Variants in IP6K1 observed in about 807,000 individuals in gnomAD.
The protein encoded by IP6K1 is inositol hexakisphosphate kinase 1.
IP6K1 carries 13 observed loss-of-function variants against 38.3 expected under a neutral mutation model. The observed-to-expected ratio is 0.34, with a 90% CI of 0.22 to 0.54. IP6K1 has a LOEUF of 0.54. Ranked by LOEUF, IP6K1 falls within the 20% of genes least tolerant of loss-of-function variation. The pLI is 0.92. For synonymous variants in IP6K1, 212 were observed against 229.9 expected, an observed-to-expected ratio of 0.92 and a Z score of 0.70; for missense variants, 397 against 599.8, an observed-to-expected ratio of 0.66 and a Z score of 3.53.
At chr3:49,752,524 C>CGT (rs1559708863) in intron 1 of IP6K1, among the ~76,000 whole-genome samples, 1 of 147,908 alleles carries the variant, frequency 6.8e-6, no homozygotes, top group African/African-American at 2.6e-5. Context: ...TTCACTTTTG[C>CGT]ATGTGTGTGT....
chr3:49,732,187 C>T (rs1191000261), intron 4 of IP6K1, among the ~76,000 whole-genome samples: 1 of 152,144 alleles, frequency 6.6e-6, no homozygotes, highest in African/African-American at 2.4e-5. Context: ...GCCTCAGCCT[C>T]CCAAAGTGCT....
chr3:49,754,136 G>C (rs1271317040), intron 1 of IP6K1, among the ~76,000 whole-genome samples: 4 of 152,150 alleles, frequency 2.6e-5, no homozygotes, highest in Admixed American at 6.5e-5. Flanking sequence ...GGTGGCCAAG[G>C]CTGGAGGATC....
intron 1 of IP6K1, chr3:49,786,138 C>T (rs1236793958): frequency 1.3e-5 from 2 of 152,332 alleles, no homozygotes; most frequent in South Asian, 2.1e-4. Flanking sequence ...AACCCTCAGG[C>T]ACTGGCGCTC....
chr3:49,740,992 G>A (rs2080663405), intron 2 of IP6K1, among the ~76,000 whole-genome samples: 1 of 152,036 alleles, frequency 6.6e-6, no homozygotes. Context: ...GGGATTACAG[G>A]TGCCTGCCAC....
chr3:49,774,225 T>C (rs994691137), intron 1 of IP6K1, among the ~76,000 whole-genome samples: 3 of 151,506 alleles, frequency 2.0e-5, no homozygotes, highest in East Asian at 3.9e-4. Flanking sequence ...GCTAACATGG[T>C]GAAACCCCAT....
rs2080515694 is a variant in IP6K1, at chr3:49,727,290, A to T, written c.1158T>A (p.Gly386=). 1.4e-5 allele frequency: 23 copies of T among 1,613,940 alleles called. No homozygotes were observed. The highest frequency in any genetic ancestry group is 1.9e-5 in the Non-Finnish European group (23 of 1,179,958). The change falls in exon 6 of 6, where the codon GGT becomes GGA. Residue 386 remains glycine, a synonymous_variant. Coordinates refer to ENST00000321599, the MANE Select transcript of IP6K1 (RefSeq NM_153273.4). The surrounding 1 kb of genome is among the most constrained non-coding windows in gnomAD (Gnocchi z 5.9). ...TSPSNTSPEA[G]PSSQPKVDVR... is the part of the protein sequence containing the mutation. The stretch of plus-strand genomic sequence containing the variant: ...CATCCACCTTGGGCTGAGAGGAGGG[A>T]CCCGCCTCGGGGCTGGTGTTGCTGG...
chr3:49,739,154 A>C (rs912211126), intron 2 of IP6K1, among the ~76,000 whole-genome samples: 35 of 152,234 alleles, frequency 2.3e-4, no homozygotes, highest in African/African-American at 8.4e-4. Context: ...GAAGGGAAAA[A>C]AAAGTAACTT....
intron 1 of IP6K1, among the ~76,000 whole-genome samples, chr3:49,778,505 T>C (rs1187945332): frequency 2.0e-5 from 3 of 150,810 alleles, no homozygotes; most frequent in Middle Eastern, 3.2e-3. Context: ...TGGTGGTAGG[T>C]GCCTGTAATC....
chr3:49,726,826 A>G lies in IP6K1; in HGVS notation c.*296T>C. 1 of 449,160 alleles carries G rather than the reference A, an allele frequency of 2.2e-6. No homozygotes were observed. The highest frequency in any genetic ancestry group is 3.9e-6 in the Non-Finnish European group (1 of 256,282). 27.8% of individuals were successfully genotyped at this position (449,160 alleles called of 1,614,324 possible). On this transcript the variant is annotated 3_prime_UTR_variant, in exon 6 of 6. Transcript: ENST00000321599. ...TCTAGACAAGAGAAACCAATGTCCA[A>G]GGGCACCCTGTCCCTGCTGCCAAGC... is the stretch of plus-strand genomic sequence containing the variant.
chr3:49,727,133 C>T lies in IP6K1; in HGVS notation c.1315G>A (p.Glu439Lys), dbSNP rs1310255856. Residue 439 changes from glutamate (E) to lysine (K), a missense_variant, in exon 6 of 6, where the codon GAG becomes AAG. Physicochemically the swap from Glu to Lys is moderately conservative, Grantham distance 56. Transcript: ENST00000321599. The surrounding 1 kb of genome is among the most constrained non-coding windows in gnomAD (Gnocchi z 5.9). Reference protein sequence around the residue: ...LISIMEQMRDENQ With the variant: ...LISIMEQMRDKNQ ...GCCCAGAACAGGGCCTACTGGTTCT[C>T]GTCCCGCATCTGTTCCATGATGCTG... The T allele has an allele frequency of 2.5e-6, 4 of 1,603,332 alleles. No individual in the cohort carries two copies. The highest frequency in any genetic ancestry group is 2.2e-5 in the East Asian group (1 of 44,740).
chr3:49,768,627 G>A (rs897418647), intron 1 of IP6K1, among the ~76,000 whole-genome samples: 4 of 152,034 alleles, frequency 2.6e-5, no homozygotes, highest in Admixed American at 1.3e-4. Flanking sequence ...AAAATTAGCC[G>A]GCCGTGGTGG....
intron 2 of IP6K1, among the ~76,000 whole-genome samples, chr3:49,745,262 T>A (rs931301646): frequency 1.3e-5 from 2 of 152,220 alleles, no homozygotes; most frequent in Non-Finnish European, 2.9e-5. Flanking sequence ...AGGGAAGAAG[T>A]GTCTGGGGAG....
At position 49,770,192 on chromosome 3, in the gene IP6K1, G is replaced by A. The variant is rs1433583755; in HGVS notation, c.-129+16162C>T. ...AGCCTGGGCCACTTCTGAATTCCTAGCCCTCAGAAACTGAGGTAATAACTG... is the reference window on the plus strand; with the variant it reads ...AGCCTGGGCCACTTCTGAATTCCTAACCCTCAGAAACTGAGGTAATAACTG... On this transcript the variant is annotated intron_variant, in intron 1 of 5. Transcript: ENST00000321599. Among the ~76,000 whole-genome samples the A allele has an allele frequency of 2.0e-5, 3 of 152,160 alleles. No individual in the cohort carries two copies. The East Asian group carries it at 5.8e-4, about 29-fold the overall frequency.
rs955406097 is a variant in IP6K1 at position 49,786,360 on chromosome 3, G to C, written c.-135C>G. ...CCCGGCTCCTGTCACTCACCTGCCC[G>C]GCCCGGGCACCGAGCGCCCACGGCT... On this transcript the variant is annotated 5_prime_UTR_variant, in exon 1 of 6. Transcript: ENST00000321599. 4.6e-5 allele frequency: 7 copies of C among 152,170 alleles called. No homozygotes were observed. Among genetic ancestry groups the C allele is most frequent in the African/African-American group, 1.7e-4 (7 of 41,454 alleles). 9.4% of individuals were successfully genotyped at this position (152,170 alleles called of 1,614,324 possible). A position where few individuals can be genotyped will look rare whatever the true frequency, so the allele number is the denominator to read the frequency against.
At chr3:49,766,912 C>T (rs1438229945) in intron 1 of IP6K1, among the ~76,000 whole-genome samples, 3 of 126,156 alleles carry the variant, frequency 2.4e-5, no homozygotes, top group African/African-American at 9.2e-5. Flanking sequence ...TTGCAGCGAG[C>T]GTGCCACTGC....
intron 1 of IP6K1, among the ~76,000 whole-genome samples, chr3:49,765,645 TAAAAAAAAAA>T (rs34536749): frequency 8.0e-6 from 1 of 125,784 alleles, no homozygotes; most frequent in Non-Finnish European, 1.6e-5. Flanking sequence ...AGACTCGTCT[TAAAAAAAAAA>T]AAAAAAAAAG....
chr3:49,780,637 G>C (rs1283194955), intron 1 of IP6K1, among the ~76,000 whole-genome samples: 1 of 152,124 alleles, frequency 6.6e-6, no homozygotes, highest in Non-Finnish European at 1.5e-5. Context: ...ACAAAGAAAA[G>C]GGCCTAAAAA....
At chr3:49,770,102 G>A (rs183479528) in intron 1 of IP6K1, among the ~76,000 whole-genome samples, 1 of 152,232 alleles carries the variant, frequency 6.6e-6, no homozygotes, top group Admixed American at 6.5e-5. Context: ...GAGAGGCTGA[G>A]TTGGGAGGAT....
At chr3:49,773,400 G>A (rs2080976510) in intron 1 of IP6K1, among the ~76,000 whole-genome samples, 1 of 152,124 alleles carries the variant, frequency 6.6e-6, no homozygotes, top group South Asian at 2.1e-4. Context: ...CACAAGGTCA[G>A]GATATCGAGA....
Sources: gnomAD v4.1 joint callset for allele counts (sites outside exome capture counted in the v4.1 genomes callset) on GRCh38, gnomAD v4.1.1 for gene constraint, Gnocchi (gnomAD v3.1) non-coding constraint, MANE v1.5 for transcripts, NCBI Gene and HGNC (gene_info 2026-07-23, HGNC 2026-07-21) for gene names.